CSPG4: variants seen among roughly 807,000 people sequenced by gnomAD.
CSPG4 encodes chondroitin sulfate proteoglycan 4 (melanoma-associated).
Under a neutral mutation model 139.3 loss-of-function variants are expected in CSPG4, and 74 were observed. The ratio of observed to expected loss-of-function variants is 0.53; its 90% CI spans 0.44 to 0.64. The LOEUF (loss-of-function observed/expected upper bound fraction) is 0.64. Among genes scored for constraint, CSPG4 ranks in the 30% least tolerant of loss-of-function variants. CSPG4 has a pLI of 0.00. For missense variants in CSPG4, 2,565 were observed against 3,148.3 expected (o/e 0.81, Z 4.43); for synonymous variants, 1,234 against 1,394.2 (o/e 0.89, Z 2.56).
chr15:75,684,972 T>C (rs1459825694), intron 4 of CSPG4, 60 bp from the exon 5 acceptor site: 7 of 1,520,572 alleles, frequency 4.6e-6, no homozygotes, highest in Middle Eastern at 1.7e-4. Context: ...GCCCTGCCTT[T>C]GGGTGCAGGA....
intron 8 of CSPG4, chr15:75,678,506 C>G: frequency 2.6e-6 from 1 of 383,012 alleles, no homozygotes; most frequent in Non-Finnish European, 5.3e-6. Context: ...GCACATGCCA[C>G]CACACCCAGC....
Position 75,689,102 on chromosome 15 carries a change from T to G in CSPG4, c.1963A>C (p.Lys655Gln). ...ATGGCCGGCCGGATGGCCACCACCTTCAGCGTGGCCGGGGGGCTGGCCTGC... is the reference window on the plus strand; with the variant it reads ...ATGGCCGGCCGGATGGCCACCACCTGCAGCGTGGCCGGGGGGCTGGCCTGC... ...GLQASPPATLKVVAIRPAIQI... is the reference protein window; with the variant it reads ...GLQASPPATLQVVAIRPAIQI... The change falls in exon 3 of 10, where the codon AAG becomes CAG. Residue 655 changes from lysine (K) to glutamine (Q), a missense_variant. By Grantham distance (53) the Lys-to-Gln change is moderately conservative. This residue lies in a region of CSPG4 where 2,316 missense variants were observed against 2,818.2 expected (regional missense o/e 0.82). Coordinates refer to ENST00000308508, the MANE Select transcript of CSPG4 (RefSeq NM_001897.5). 1 of 1,604,934 alleles carries G rather than the reference T, an allele frequency of 6.2e-7. No individual in the cohort carries two copies. Among genetic ancestry groups the G allele is most frequent in the Non-Finnish European group, 8.5e-7 (1 of 1,175,870 alleles).
intron 8 of CSPG4, chr15:75,678,589 A>G (rs977355972): frequency 1.1e-5 from 5 of 453,546 alleles, no homozygotes; most frequent in African/African-American, 1.0e-4. Context: ...TCTGGGCTCA[A>G]GCGGTCCACT....
At chr15:75,685,144 T>C in intron 4 of CSPG4, 75 bp downstream of exon 4, 7 of 1,488,958 alleles carry the variant, frequency 4.7e-6, no homozygotes, top group Non-Finnish European at 5.4e-6. Flanking sequence ...ACCCCCAGAC[T>C]GGGAGTCCCC....
At chr15:75,691,257 GC>G (rs1894162350) in intron 2 of CSPG4, among the ~76,000 whole-genome samples, 1 of 152,196 alleles carries the variant, frequency 6.6e-6, no homozygotes, top group Non-Finnish European at 1.5e-5. Flanking sequence ...AGCCTCTGGT[GC>G]CACTCCTCTT....
Position 75,684,821 on chromosome 15 carries a change from C to T in CSPG4, c.4364G>A (p.Arg1455His), listed in dbSNP as rs769139632. ...VLMANASEMD[R>H]QSHPVAFTVT... ...AGTGAAGGCCACAGGATGGCTCTGG[C>T]GATCCATCTCGGAGGCATTAGCCAT... The change falls in exon 5 of 10, where the codon CGC (arginine) becomes CAC (histidine). Residue 1455 changes from arginine to histidine, a missense_variant. Physicochemically the swap from Arg to His is conservative, Grantham distance 29. Around this residue, in one of 5 missense-constraint regions of CSPG4, gnomAD observed 2,316 missense variants for 2,818.2 expected, o/e 0.82. Coordinates refer to ENST00000308508, the MANE Select transcript of CSPG4 (RefSeq NM_001897.5). 13 of 1,613,288 alleles carry T rather than the reference C, an allele frequency of 8.1e-6. No homozygotes were observed. The East Asian group carries it at 1.6e-4, about 19-fold the overall frequency.
At chr15:75,706,463 G>T (rs138838857) in intron 1 of CSPG4, among the ~76,000 whole-genome samples, 1 of 152,150 alleles carries the variant, frequency 6.6e-6, no homozygotes, top group Admixed American at 6.5e-5. Flanking sequence ...GCACACACAC[G>T]CATGTGCACT....
chr15:75,685,842 A>C, intron 3 of CSPG4, 141 bp from the exon 4 acceptor site: 1 of 928,926 alleles, frequency 1.1e-6, no homozygotes, highest in Non-Finnish European at 1.6e-6. Flanking sequence ...TAGACACACA[A>C]ACACACACGT....
chr15:75,690,083 C>T lies in CSPG4; in HGVS notation c.982G>A (p.Asp328Asn). ...PRGSLLLGGL[D>N]AEASRHLQEH... ...TGGAGGTGACGAGAGGCCTCTGCAT[C>T]CAGCCCCCCGAGAAGGAGACTGCCC... Residue 328 changes from aspartate (D) to asparagine (N), a missense_variant, in exon 3 of 10, where the codon GAT becomes AAT. Physicochemically the swap from Asp to Asn is conservative, Grantham distance 23. Around this residue, in one of 5 missense-constraint regions of CSPG4, gnomAD observed 2,316 missense variants for 2,818.2 expected, o/e 0.82. Transcript: ENST00000308508. 1 of 1,612,092 alleles carries T rather than the reference C, an allele frequency of 6.2e-7. No individual in the cohort carries two copies. Among genetic ancestry groups the T allele is most frequent in the Non-Finnish European group, 8.5e-7 (1 of 1,179,616 alleles).
rs1470245557 is a variant in CSPG4, at chr15:75,709,628, A to C, written c.88+3040T>G. Among the ~76,000 whole-genome samples the C allele has an allele frequency of 2.6e-5, 4 of 152,322 alleles. No individual in the cohort carries two copies. The South Asian group carries it at 8.3e-4, about 32-fold the overall frequency. On this transcript the variant is annotated intron_variant, in intron 1 of 9. Coordinates refer to ENST00000308508, the MANE Select transcript of CSPG4 (RefSeq NM_001897.5). ...GTGTGTGCCCACATCTGTGTGCGCC[A>C]GTAAGTGCGGACGTCAAGGCTATTT...
At chr15:75,693,865 A>G (rs547167569) in intron 1 of CSPG4, among the ~76,000 whole-genome samples, 1 of 152,224 alleles carries the variant, frequency 6.6e-6, no homozygotes, top group Non-Finnish European at 1.5e-5. Flanking sequence ...TCCAGCTGCC[A>G]TTGAGCGTCG....
Position 75,690,033 on chromosome 15 carries a change from T to C in CSPG4, c.1032A>G (p.Pro344=), listed in dbSNP as rs1290755065. The change falls in exon 3 of 10, where the codon CCA becomes CCG. Residue 344 remains proline, a synonymous_variant. Coordinates refer to ENST00000308508, the MANE Select transcript of CSPG4 (RefSeq NM_001897.5). ...CCAGCAGGGAGGCATTGGTGGCCTC[T>C]GGTGTCAGGCCCAGGCGGTGTTCCT... ...HLQEHRLGLT[P]EATNASLLGC... The C allele has an allele frequency of 2.5e-6, 4 of 1,611,876 alleles. No homozygotes were observed. Among genetic ancestry groups the C allele is most frequent in the Admixed American group, 3.3e-5 (2 of 59,928 alleles).
rs529632713 is a variant in CSPG4 at position 75,676,004 on chromosome 15, C to T, written c.6515G>A (p.Ser2172Asn). 5.3e-5 allele frequency: 84 copies of T among 1,570,724 alleles called. No homozygotes were observed. The highest frequency in any genetic ancestry group is 4.0e-4 in the Admixed American group (23 of 57,584). Reference sequence around the variant, plus strand: ...CTCGGGGACACTGAGCAGGGCCACGCTGTAGGGCCGGGCAGCATTGTAAGG... The same window carrying T: ...CTCGGGGACACTGAGCAGGGCCACGTTGTAGGGCCGGGCAGCATTGTAAGG... ...TEPYNAARPY[S>N]VALLSVPEAA... Residue 2172 changes from serine to asparagine, a missense_variant, in exon 10 of 10, where the codon AGC becomes AAC. By Grantham distance (46) the Ser-to-Asn change is conservative. Transcript: ENST00000308508.
chr15:75,702,989 G>A (rs1894325006), intron 1 of CSPG4, among the ~76,000 whole-genome samples: 1 of 137,182 alleles, frequency 7.3e-6, no homozygotes, highest in African/African-American at 2.8e-5. Flanking sequence ...GGGAGGACCT[G>A]GTGAGGGGAG....
At chr15:75,695,829 G>T (rs1455059051) in intron 1 of CSPG4, among the ~76,000 whole-genome samples, 1 of 152,210 alleles carries the variant, frequency 6.6e-6, no homozygotes, top group Non-Finnish European at 1.5e-5. Context: ...GGCCGAGTGA[G>T]ACTGGCAGGA....
chr15:75,688,952 C>T lies in CSPG4; in HGVS notation c.2113G>A (p.Gly705Arg). The change falls in exon 3 of 10, where the codon GGG becomes AGG. Residue 705 changes from glycine to arginine, a missense_variant. Around this residue, in one of 5 missense-constraint regions of CSPG4, gnomAD observed 2,316 missense variants for 2,818.2 expected, o/e 0.82. Coordinates refer to ENST00000308508, the MANE Select transcript of CSPG4 (RefSeq NM_001897.5). ...QDVSVLFRVT[G>R]ALQFGELQKQ... ...TGCAGCTCCCCAAACTGCAGGGCCC[C>T]AGTGACGCGGAACAGCACGCTCACA... The T allele has an allele frequency of 6.2e-7, 1 of 1,612,614 alleles. No homozygotes were observed. The highest frequency in any genetic ancestry group is 1.1e-5 in the South Asian group (1 of 91,068).
intron 3 of CSPG4, among the ~76,000 whole-genome samples, chr15:75,686,273 G>GCA (rs375908740): frequency 0.013 from 2,033 of 151,554 alleles, 39 homozygotes; most frequent in African/African-American, 0.042. Context: ...ATGCGTGTGT[G>GCA]CACACACACA....
At chr15:75,686,692 G>A (rs1894064158) in intron 3 of CSPG4, among the ~76,000 whole-genome samples, 2 of 152,184 alleles carry the variant, frequency 1.3e-5, no homozygotes, top group Non-Finnish European at 2.9e-5. Flanking sequence ...CAGACATGCA[G>A]ACCAGAAGGG....
intron 5 of CSPG4, among the ~76,000 whole-genome samples, chr15:75,683,711 G>A (rs1312311044): frequency 2.0e-5 from 3 of 152,172 alleles, no homozygotes; most frequent in African/African-American, 7.2e-5. Flanking sequence ...TACCAGTCTT[G>A]CTGGGTCAAT....
Sources: allele counts gnomAD v4.1 joint callset (sites outside exome capture counted in the v4.1 genomes callset), GRCh38; gene constraint gnomAD v4.1.1; regional missense constraint gnomAD v4.1.1; transcripts MANE v1.5; gene names NCBI Gene and HGNC (gene_info 2026-07-23, HGNC 2026-07-21).